SMCHD1: variants seen among roughly 807,000 people sequenced by gnomAD.
SMCHD1 encodes structural maintenance of chromosomes flexible hinge domain-containing protein 1.
In SMCHD1, 78 loss-of-function variants were observed where a neutral mutation model predicts 254.7. The observed-to-expected ratio is 0.31, with a 90% CI of 0.26 to 0.37. The LOEUF (loss-of-function observed/expected upper bound fraction) is 0.37. Ranked by LOEUF, SMCHD1 falls within the 10% of genes least tolerant of loss-of-function variation. The probability of loss-of-function intolerance (pLI) is 1.00; values close to 1 mark genes in which losing one functional copy is unlikely to be tolerated. For missense variants in SMCHD1, 1,840 were observed against 2,408.1 expected (o/e 0.76, Z 4.94); for synonymous variants, 766 against 794.9 (o/e 0.96, Z 0.61).
chr18:2,658,861 T>C (rs541244698), intron 1 of SMCHD1, among the ~76,000 whole-genome samples: 2 of 150,870 alleles, frequency 1.3e-5, no homozygotes, highest in South Asian at 4.2e-4. Context: ...TATATATACA[T>C]ATATATACAC....
At chr18:2,706,269 A>C (rs1356403833) in intron 14 of SMCHD1, 95 bp from the exon 15 acceptor site, 1 of 784,934 alleles carries the variant, frequency 1.3e-6, no homozygotes, top group South Asian at 1.9e-5. Flanking sequence ...TTAGGATAAA[A>C]TATATTTCTT....
chr18:2,763,612 ATTGTT>A lies in SMCHD1; in HGVS notation c.4567-22_4567-18del. The A allele has an allele frequency of 2.6e-6, 4 of 1,528,684 alleles. No homozygotes were observed. The highest frequency in any genetic ancestry group is 3.5e-6 in the Non-Finnish European group (4 of 1,143,132). 94.7% of individuals were successfully genotyped at this position (1,528,684 alleles called of 1,614,324 possible). On this transcript the variant is annotated intron_variant, in intron 36 of 47. Transcript: ENST00000320876. ...TTTAATCTTCTCATCAGTTTCTCTA[ATTGTT>A]TTCCATTTTTTGTTTTAAGGATGAC...
intron 47 of SMCHD1, among the ~76,000 whole-genome samples, chr18:2,800,248 AAAAGG>A (rs1015920200): frequency 3.3e-5 from 5 of 152,000 alleles, no homozygotes; most frequent in African/African-American, 1.2e-4. Flanking sequence ...AACAGAATGG[AAAAGG>A]AAAGGAAGCC....
At chr18:2,712,958 C>A (rs146362217) in intron 17 of SMCHD1, among the ~76,000 whole-genome samples, 8 of 152,308 alleles carry the variant, frequency 5.3e-5, no homozygotes, top group Admixed American at 2.6e-4. Flanking sequence ...CAACTGTTTT[C>A]TTTTGGTTCT....
At chr18:2,679,479 C>T (rs2073872101) in intron 5 of SMCHD1, among the ~76,000 whole-genome samples, 1 of 5,366 alleles carries the variant, frequency 1.9e-4, no homozygotes, top group Non-Finnish European at 1.7e-3. Context: ...GACTCCATCT[C>T]CAAAAAAAAA....
intron 3 of SMCHD1, among the ~76,000 whole-genome samples, chr18:2,667,388 T>G (rs2073469403): frequency 6.6e-6 from 1 of 152,242 alleles, no homozygotes; most frequent in Non-Finnish European, 1.5e-5. Flanking sequence ...CAAATACATA[T>G]AGCTAGGTTG....
intron 39 of SMCHD1, among the ~76,000 whole-genome samples, chr18:2,770,795 A>G (rs1051235121): frequency 6.6e-6 from 1 of 151,880 alleles, no homozygotes; most frequent in Non-Finnish European, 1.5e-5. Context: ...TGATTTTTGT[A>G]TTTTTAGTAG....
At chr18:2,800,346 A>G (rs2076338119) in intron 47 of SMCHD1, among the ~76,000 whole-genome samples, 1 of 152,144 alleles carries the variant, frequency 6.6e-6, no homozygotes, top group Non-Finnish European at 1.5e-5. Flanking sequence ...ATGCCACTAC[A>G]AAGTTAGATA....
intron 34 of SMCHD1, among the ~76,000 whole-genome samples, chr18:2,758,991 GTGACATC>G (rs779845579): frequency 1.8e-4 from 28 of 152,022 alleles, no homozygotes; most frequent in Non-Finnish European, 3.2e-4. Context: ...TCTCTCTTCA[GTGACATC>G]TGATTTTCTG....
chr18:2,659,269 C>T (rs1320615365), intron 1 of SMCHD1, among the ~76,000 whole-genome samples: 2 of 152,154 alleles, frequency 1.3e-5, no homozygotes, highest in African/African-American at 2.4e-5. Flanking sequence ...AGGTGCCTGC[C>T]ACCACGCCTG....
intron 19 of SMCHD1, among the ~76,000 whole-genome samples, chr18:2,719,833 G>A (rs12959994): frequency 0.2 from 30,864 of 151,832 alleles, 3,375 homozygotes; most frequent in South Asian, 0.33. Flanking sequence ...ATGCCACCAC[G>A]CCCGGCTAAT....
At position 2,656,110 on chromosome 18, in the gene SMCHD1, C is replaced by T. The variant is rs955025983; in HGVS notation, c.35C>T (p.Ala12Val). The T allele has an allele frequency of 2.8e-6, 4 of 1,440,282 alleles. No individual in the cohort carries two copies. The South Asian group carries it at 4.5e-5, about 16-fold the overall frequency. The allele number at this position is 1,440,282 out of a possible 1,614,324, so 89.2% of individuals were successfully genotyped here. A position where few individuals can be genotyped will look rare whatever the true frequency, so the allele number is the denominator to read the frequency against. The stretch of plus-strand genomic sequence containing the variant: ...GCGGACGGCGGCGGGCCTGGTGGGG[C>T]CTCTGTGGGGACTGAGGAGGATGGC... Reference protein sequence around the residue: ...AAADGGGPGGASVGTEEDGGG... With the variant: ...AAADGGGPGGVSVGTEEDGGG... The change falls in exon 1 of 48, where the codon GCC becomes GTC. Residue 12 changes from alanine to valine, a missense_variant. Around this residue, in one of 9 missense-constraint regions of SMCHD1, gnomAD observed 115 missense variants for 99.1 expected, o/e 1.16. Transcript: ENST00000320876.
chr18:2,682,588 C>G (rs964342819), intron 5 of SMCHD1, among the ~76,000 whole-genome samples: 1 of 152,226 alleles, frequency 6.6e-6, no homozygotes, highest in Non-Finnish European at 1.5e-5. Context: ...TCCCAAAGTG[C>G]TGGGATTATG....
chr18:2,661,570 C>T (rs1568065975), intron 1 of SMCHD1, among the ~76,000 whole-genome samples: 1 of 147,294 alleles, frequency 6.8e-6, no homozygotes, highest in Non-Finnish European at 1.5e-5. Context: ...GATTAAACAT[C>T]TGGGTTTTTA....
chr18:2,662,667 CAAAAAAAAAAAAAAA>C (rs745838636), intron 1 of SMCHD1, among the ~76,000 whole-genome samples: 3 of 35,684 alleles, frequency 8.4e-5, no homozygotes, highest in African/African-American at 3.7e-4. Context: ...AACAAAAAAC[CAAAAAAAAAAAAAAA>C]AAAAAAAAGG....
At chr18:2,734,854 G>A (rs1443553321) in intron 25 of SMCHD1, among the ~76,000 whole-genome samples, 2 of 151,820 alleles carry the variant, frequency 1.3e-5, no homozygotes, top group Non-Finnish European at 2.9e-5. Flanking sequence ...TGGATCACGA[G>A]GTCAAGAGTT....
intron 33 of SMCHD1, 64 bp downstream of exon 33, chr18:2,751,457 C>A: frequency 2.3e-6 from 2 of 861,640 alleles, no homozygotes; most frequent in South Asian, 3.2e-5. Flanking sequence ...AAAACTAAGT[C>A]TCCTTTAATG....
chr18:2,762,003 A>AT, intron 35 of SMCHD1, 102 bp from the exon 36 acceptor site: 1 of 879,902 alleles, frequency 1.1e-6, no homozygotes, highest in Admixed American at 2.5e-5. Flanking sequence ...AGAAGGTAAC[A>AT]TTTAATTTTA....
In SMCHD1 at chr18:2,802,734, A is replaced by C; in HGVS notation, c.*182A>C. 2.1e-6 allele frequency: 1 copy of C among 486,972 alleles called. No individual in the cohort carries two copies. The highest frequency in any genetic ancestry group is 3.6e-6 in the Non-Finnish European group (1 of 274,364). 30.2% of individuals were successfully genotyped at this position (486,972 alleles called of 1,614,324 possible). A position where few individuals can be genotyped will look rare whatever the true frequency, so the allele number is the denominator to read the frequency against. On this transcript the variant is annotated 3_prime_UTR_variant, in exon 48 of 48. Coordinates refer to ENST00000320876, the MANE Select transcript of SMCHD1 (RefSeq NM_015295.3). ...TGGAAACAACCATTCAATTTTATGA[A>C]TCTTACTGGACATTATGGATTTACT...
Sources: allele counts gnomAD v4.1 joint callset (sites outside exome capture counted in the v4.1 genomes callset), GRCh38; gene constraint gnomAD v4.1.1; regional missense constraint gnomAD v4.1.1; transcripts MANE v1.5; gene names NCBI Gene and HGNC (gene_info 2026-07-23, HGNC 2026-07-21).